The following SLC9A9 variants were observed in gnomAD, a reference collection of about 807,000 sequenced individuals.
The protein encoded by SLC9A9 is solute carrier family 9 member A9, also known as sodium/hydrogen exchanger 9.
A neutral mutation model predicts 77.8 loss-of-function variants in SLC9A9; 62 were observed. That is an observed-to-expected ratio of 0.80 (90% CI 0.65 to 0.98). The LOEUF (loss-of-function observed/expected upper bound fraction) is 0.98. Among genes scored for constraint, SLC9A9 ranks in the 50% least tolerant of loss-of-function variants. SLC9A9 has a pLI of 0.00. For synonymous variants in SLC9A9, 320 were observed against 283.5 expected (o/e 1.13, Z -1.29); for missense variants, 775 against 774.9 (o/e 1.00, Z 0.00).
At chr3:143,391,236 AC>A (rs1028173275) in intron 12 of SLC9A9, among the ~76,000 whole-genome samples, 17 of 152,332 alleles carry the variant, frequency 1.1e-4, no homozygotes, top group African/African-American at 3.4e-4. Context: ...ATGGCTGGGT[AC>A]CCCTCTGAGA....
At chr3:143,741,698 G>GCTGA (rs1935077463) in intron 4 of SLC9A9, among the ~76,000 whole-genome samples, 1 of 152,098 alleles carries the variant, frequency 6.6e-6, no homozygotes, top group Non-Finnish European at 1.5e-5. Context: ...CATAAATTAT[G>GCTGA]CTGACAGTAT....
chr3:143,359,597 C>T (rs555019301), intron 14 of SLC9A9, among the ~76,000 whole-genome samples: 142 of 152,100 alleles, frequency 9.3e-4, no homozygotes, highest in African/African-American at 3.2e-3. Flanking sequence ...CAGAGTGAGC[C>T]GAGGGGAAAG....
At chr3:143,463,180 G>A (rs955025241) in intron 12 of SLC9A9, among the ~76,000 whole-genome samples, 2 of 152,346 alleles carry the variant, frequency 1.3e-5, no homozygotes, top group South Asian at 4.1e-4. Flanking sequence ...GACAAGTTCT[G>A]TGTTAGTCTG....
intron 14 of SLC9A9, among the ~76,000 whole-genome samples, chr3:143,304,572 T>C (rs1400513129): frequency 6.6e-6 from 1 of 152,170 alleles, no homozygotes; most frequent in Non-Finnish European, 1.5e-5. Flanking sequence ...TGGTTTCGAG[T>C]TGACAGACTT....
chr3:143,668,248 G>A (rs533740786), intron 5 of SLC9A9, among the ~76,000 whole-genome samples: 105 of 148,902 alleles, frequency 7.1e-4, no homozygotes, highest in Non-Finnish European at 7.0e-4. Flanking sequence ...ACCAAACACC[G>A]CATGCTCTCA....
chr3:143,417,821 T>C (rs1319433024), intron 12 of SLC9A9, among the ~76,000 whole-genome samples: 1 of 152,024 alleles, frequency 6.6e-6, no homozygotes, highest in African/African-American at 2.4e-5. Context: ...CATTCTTCAA[T>C]AACTCCCCCC....
At chr3:143,790,141 C>T (rs530298741) in intron 4 of SLC9A9, among the ~76,000 whole-genome samples, 197 of 152,294 alleles carry the variant, frequency 1.3e-3, no homozygotes, top group African/African-American at 4.7e-3. Flanking sequence ...TTCCCTGCTT[C>T]GCTCTCATTC....
At chr3:143,276,109 G>A (rs1046586220) in intron 14 of SLC9A9, among the ~76,000 whole-genome samples, 3 of 152,054 alleles carry the variant, frequency 2.0e-5, no homozygotes, top group Admixed American at 1.3e-4. Flanking sequence ...CTCAGTATAG[G>A]GCCCTGTCCT....
At chr3:143,703,059 C>G (rs2108790249) in intron 4 of SLC9A9, among the ~76,000 whole-genome samples, 1 of 129,832 alleles carries the variant, frequency 7.7e-6, no homozygotes, top group African/African-American at 2.9e-5. Context: ...ACTGAAGTAC[C>G]CAGATATATA....
At chr3:143,537,488 C>T (rs1014296061) in intron 9 of SLC9A9, among the ~76,000 whole-genome samples, 3 of 152,248 alleles carry the variant, frequency 2.0e-5, no homozygotes, top group African/African-American at 7.2e-5. Context: ...CCTGCAATTT[C>T]AGGACTGCCT....
At chr3:143,631,901 C>T (rs2038432094) in intron 6 of SLC9A9, among the ~76,000 whole-genome samples, 1 of 152,158 alleles carries the variant, frequency 6.6e-6, no homozygotes, top group Admixed American at 6.5e-5. Context: ...AATACATAGG[C>T]TGCTCCTGAC....
intron 12 of SLC9A9, among the ~76,000 whole-genome samples, chr3:143,399,125 C>T (rs950795522): frequency 2.0e-5 from 3 of 151,814 alleles, no homozygotes; most frequent in Admixed American, 1.3e-4. Context: ...GTCAAAAATA[C>T]GTCTTAATAA....
intron 14 of SLC9A9, among the ~76,000 whole-genome samples, chr3:143,333,282 C>A (rs2031829966): frequency 7.3e-6 from 1 of 136,062 alleles, no homozygotes; most frequent in African/African-American, 2.7e-5. Context: ...CTTTAAATAT[C>A]CTTTTAAAAA....
At chr3:143,788,342 G>A (rs1220923646) in intron 4 of SLC9A9, among the ~76,000 whole-genome samples, 1 of 152,056 alleles carries the variant, frequency 6.6e-6, no homozygotes, top group Non-Finnish European at 1.5e-5. Flanking sequence ...AACCACACAG[G>A]AAAATATTTA....
intron 6 of SLC9A9, among the ~76,000 whole-genome samples, chr3:143,615,002 G>A (rs1443653825): frequency 6.6e-6 from 1 of 152,126 alleles, no homozygotes; most frequent in Non-Finnish European, 1.5e-5. Flanking sequence ...ATGGACACTG[G>A]GGGTGGGACA....
chr3:143,702,273 A>G (rs1933824898), intron 4 of SLC9A9, among the ~76,000 whole-genome samples: 1 of 152,198 alleles, frequency 6.6e-6, no homozygotes, highest in African/African-American at 2.4e-5. Context: ...AGACTATTAT[A>G]ACACTGTGTC....
At chr3:143,803,628 C>T (rs1239900037) in intron 2 of SLC9A9, among the ~76,000 whole-genome samples, 1 of 152,142 alleles carries the variant, frequency 6.6e-6, no homozygotes, top group Admixed American at 6.5e-5. Context: ...CTATTCTTTA[C>T]TTTTATACTC....
intron 4 of SLC9A9, among the ~76,000 whole-genome samples, chr3:143,727,237 G>A (rs1329657457): frequency 6.6e-6 from 1 of 152,068 alleles, no homozygotes; most frequent in African/African-American, 2.4e-5. Context: ...GACAACCATT[G>A]AAAACCAAAT....
intron 8 of SLC9A9, among the ~76,000 whole-genome samples, chr3:143,554,980 T>A (rs1298288279): frequency 1.3e-5 from 2 of 152,206 alleles, no homozygotes; most frequent in Non-Finnish European, 2.9e-5. Flanking sequence ...TGCTACTTGA[T>A]ATTTTATATA....
Sources: allele counts gnomAD v4.1 joint callset (sites outside exome capture counted in the v4.1 genomes callset), GRCh38; gene constraint gnomAD v4.1.1; transcripts MANE v1.5; gene names NCBI Gene and HGNC (gene_info 2026-07-23, HGNC 2026-07-21).